MMD: variants seen among roughly 807,000 people sequenced by gnomAD.
MMD encodes the protein monocyte to macrophage differentiation factor.
In MMD, 22 loss-of-function variants were observed where a neutral mutation model predicts 33.6. The observed-to-expected ratio is 0.66, with a 90% CI of 0.47 to 0.94. The LOEUF (loss-of-function observed/expected upper bound fraction) is 0.94, where lower values mean the gene tolerates loss of function less well. MMD is among the 40% of genes least tolerant of loss of function. The probability of loss-of-function intolerance (pLI) is 0.00; values close to 1 mark genes in which losing one functional copy is unlikely to be tolerated. For synonymous variants in MMD, 97 were observed against 103.2 expected, an observed-to-expected ratio of 0.94 and a Z score of 0.36; for missense variants, 242 against 309.8, an observed-to-expected ratio of 0.78 and a Z score of 1.64.
intron 5 of MMD, 32 bp downstream of exon 5, chr17:55,403,735 A>T: frequency 6.5e-7 from 1 of 1,539,864 alleles, no homozygotes; most frequent in Non-Finnish European, 8.9e-7. Context: ...AGTCAATTTT[A>T]AAACTATCAA....
intron 6 of MMD, among the ~76,000 whole-genome samples, chr17:55,399,682 C>T (rs1359324415): frequency 1.3e-5 from 2 of 152,142 alleles, no homozygotes; most frequent in African/African-American, 2.4e-5. Flanking sequence ...CTGTCATGTT[C>T]GCATAGCAGC....
At chr17:55,396,317 C>G (rs1907097734) in intron 6 of MMD, among the ~76,000 whole-genome samples, 2 of 152,278 alleles carry the variant, frequency 1.3e-5, no homozygotes, top group East Asian at 1.9e-4. Flanking sequence ...CTCCATTATA[C>G]AGATGAGAAA....
At chr17:55,418,922 C>T (rs376758179) in intron 1 of MMD, among the ~76,000 whole-genome samples, 1 of 152,100 alleles carries the variant, frequency 6.6e-6, no homozygotes, top group Non-Finnish European at 1.5e-5. Flanking sequence ...TGAGTACACA[C>T]CAACAAGAAG....
In MMD at chr17:55,407,599, A is replaced by C; in HGVS notation, c.344+147T>G. 4 of 649,752 alleles carry C rather than the reference A, an allele frequency of 6.2e-6. No homozygotes were observed. In the South Asian group the frequency reaches 7.9e-5, roughly 13 times the overall value. The allele number at this position is 649,752 out of a possible 1,614,324, so 40.2% of individuals were successfully genotyped here. A position where few individuals can be genotyped will look rare whatever the true frequency, so the allele number is the denominator to read the frequency against. On this transcript the variant is annotated intron_variant, in intron 4 of 6. Coordinates refer to ENST00000262065, the MANE Select transcript of MMD (RefSeq NM_012329.3). ...ACCCAAGTACATCAAATGGGGAAAAAAATGCATGCATGTATGTGTTCAGGA... is the reference window on the plus strand; with the variant it reads ...ACCCAAGTACATCAAATGGGGAAAACAATGCATGCATGTATGTGTTCAGGA...
chr17:55,397,419 C>T (rs1907143211), intron 6 of MMD, among the ~76,000 whole-genome samples: 1 of 152,106 alleles, frequency 6.6e-6, no homozygotes, highest in African/African-American at 2.4e-5. Flanking sequence ...CCTTGGCCTC[C>T]CTGGTTAAAT....
In MMD at chr17:55,394,373, G is replaced by C; in HGVS notation, c.678C>G (p.Tyr226Ter). ...TAAAGTCCGTAGGACTTCGGTAAAG[G>C]TATTTCCAAATGGCGTAGTAATGCA... ...AAVHYYAIWK[Y>*]LYRSPTDFMR... The change falls in exon 7 of 7, where the codon TAC (tyrosine) becomes TAG (stop). Residue 226 changes from tyrosine (Y) to a stop codon, truncating the protein, a stop_gained. Coordinates refer to ENST00000262065, the MANE Select transcript of MMD (RefSeq NM_012329.3). LOFTEE classifies it high-confidence loss of function. 7.0e-7 allele frequency: 1 copy of C among 1,425,026 alleles called. No individual in the cohort carries two copies. The highest frequency in any genetic ancestry group is 9.2e-7 in the Non-Finnish European group (1 of 1,086,586). The allele number at this position is 1,425,026 out of a possible 1,614,324, so 88.3% of individuals were successfully genotyped here.
chr17:55,409,022 C>T (rs930200781), intron 3 of MMD, among the ~76,000 whole-genome samples: 1 of 151,814 alleles, frequency 6.6e-6, no homozygotes, highest in African/African-American at 2.4e-5. Flanking sequence ...AAATGTATTC[C>T]ATAAATATAT....
At chr17:55,395,116 G>A (rs964173481) in intron 6 of MMD, among the ~76,000 whole-genome samples, 1 of 152,220 alleles carries the variant, frequency 6.6e-6, no homozygotes, top group African/African-American at 2.4e-5. Flanking sequence ...ATATTTCCTA[G>A]CCTTCTAGAT....
chr17:55,402,055 T>A (rs1383956708), intron 5 of MMD, among the ~76,000 whole-genome samples: 1 of 126,162 alleles, frequency 7.9e-6, no homozygotes, highest in East Asian at 2.2e-4. Context: ...CTGCACTCCA[T>A]CCAGTCTGGG....
chr17:55,410,871 G>A (rs1238732448), intron 3 of MMD, among the ~76,000 whole-genome samples: 1 of 152,188 alleles, frequency 6.6e-6, no homozygotes, highest in East Asian at 1.9e-4. Flanking sequence ...GAGCAGGGCT[G>A]GGCCTCAAAG....
intron 2 of MMD, 87 bp downstream of exon 2, chr17:55,414,064 T>C (rs1294668525): frequency 2.3e-6 from 3 of 1,283,236 alleles, no homozygotes; most frequent in Non-Finnish European, 3.4e-6. Flanking sequence ...ATCCAACTAA[T>C]TGTGCTGAGG....
At chr17:55,417,295 C>A (rs1293369599) in intron 1 of MMD, among the ~76,000 whole-genome samples, 1 of 152,154 alleles carries the variant, frequency 6.6e-6, no homozygotes, top group African/African-American at 2.4e-5. Context: ...GCCTGGCCAA[C>A]ATAGAGAAAC....
Position 55,393,441 on chromosome 17 carries a change from T to C in MMD, c.*893A>G, listed in dbSNP as rs1906991127. ...TGTAATACATAATGCTCTTCAGGAG[T>C]TTCCAGCAGATGGCCATCACAACAA... On this transcript the variant is annotated 3_prime_UTR_variant, in exon 7 of 7. Coordinates refer to ENST00000262065, the MANE Select transcript of MMD (RefSeq NM_012329.3). 1 of 151,296 alleles carries C rather than the reference T, an allele frequency of 6.6e-6. No individual in the cohort carries two copies. Among genetic ancestry groups the C allele is most frequent in the East Asian group, 1.9e-4 (1 of 5,154 alleles). 9.4% of individuals were successfully genotyped at this position (151,296 alleles called of 1,614,324 possible). A position where few individuals can be genotyped will look rare whatever the true frequency, so the allele number is the denominator to read the frequency against.
chr17:55,421,491 G>A (rs1309124443), intron 1 of MMD, among the ~76,000 whole-genome samples, 179 bp downstream of exon 1: 24 of 152,244 alleles, frequency 1.6e-4, no homozygotes, highest in Admixed American at 1.6e-3. Flanking sequence ...CATCCTTGGA[G>A]GAAGGGGATC....
At chr17:55,420,865 C>T (rs987756814) in intron 1 of MMD, among the ~76,000 whole-genome samples, 1 of 152,150 alleles carries the variant, frequency 6.6e-6, no homozygotes, top group African/African-American at 2.4e-5. Flanking sequence ...GGTGGAGCCC[C>T]AGAGGGGAGT....
At chr17:55,406,463 AG>A in intron 4 of MMD, among the ~76,000 whole-genome samples, 1 of 152,288 alleles carries the variant, frequency 6.6e-6, no homozygotes, top group South Asian at 2.1e-4. Flanking sequence ...CGAGAGGCTG[AG>A]GCAGGAGAAT....
At chr17:55,403,546 T>C (rs1167914623) in intron 5 of MMD, among the ~76,000 whole-genome samples, 1 of 152,206 alleles carries the variant, frequency 6.6e-6, no homozygotes, top group Non-Finnish European at 1.5e-5. Context: ...CCATGTCCCC[T>C]CAACTACATT....
intron 3 of MMD, among the ~76,000 whole-genome samples, chr17:55,408,324 G>A (rs1017007994): frequency 3.3e-5 from 5 of 152,152 alleles, no homozygotes; most frequent in African/African-American, 7.2e-5. Flanking sequence ...AAATATCCTG[G>A]TGTGGACAGT....
At chr17:55,414,599 C>T (rs1167202441) in intron 1 of MMD, among the ~76,000 whole-genome samples, 7 of 132,290 alleles carry the variant, frequency 5.3e-5, no homozygotes, top group East Asian at 2.1e-4. Context: ...CACACACACA[C>T]GGTACAACTA....
Sources: gnomAD v4.1 joint callset for allele counts (sites outside exome capture counted in the v4.1 genomes callset) on GRCh38, gnomAD v4.1.1 for gene constraint, MANE v1.5 for transcripts, NCBI Gene and HGNC (gene_info 2026-07-23, HGNC 2026-07-21) for gene names.